EYS: variants seen among roughly 807,000 people sequenced by gnomAD.
EYS encodes the protein protein eyes shut homolog.
Under a neutral mutation model 282.1 loss-of-function variants are expected in EYS, and 250 were observed. That is an observed-to-expected ratio of 0.89 (90% CI 0.80 to 0.98). The LOEUF (loss-of-function observed/expected upper bound fraction) is 0.98, where lower values mean the gene tolerates loss of function less well. EYS is among the 50% of genes least tolerant of loss of function. The probability of loss-of-function intolerance (pLI) is 0.00; values close to 1 mark genes in which losing one functional copy is unlikely to be tolerated. For synonymous variants in EYS, 1,355 were observed against 1,282.9 expected (o/e 1.06, Z -1.20); for missense variants, 4,016 against 3,709.0 (o/e 1.08, Z -2.15).
intron 2 of EYS, among the ~76,000 whole-genome samples, chr6:65,505,081 T>C (rs922591317): frequency 6.6e-6 from 1 of 151,944 alleles, no homozygotes; most frequent in Non-Finnish European, 1.5e-5. Context: ...ATTCAATTTC[T>C]TTAATATATG....
chr6:64,592,365 G>A (rs879677167), intron 25 of EYS, among the ~76,000 whole-genome samples: 18 of 152,112 alleles, frequency 1.2e-4, no homozygotes, highest in Non-Finnish European at 4.4e-5. Context: ...TAGAAATACC[G>A]TTTTACTTCC....
intron 14 of EYS, among the ~76,000 whole-genome samples, chr6:64,979,605 T>C (rs1240632733): frequency 6.6e-6 from 1 of 151,538 alleles, no homozygotes; most frequent in South Asian, 2.1e-4. Flanking sequence ...AAAGCAAAGA[T>C]CAGTTGTTGA....
chr6:65,411,202 C>T (rs1020881352), intron 5 of EYS, among the ~76,000 whole-genome samples: 7 of 152,040 alleles, frequency 4.6e-5, no homozygotes, highest in Non-Finnish European at 7.4e-5. Flanking sequence ...TGTTGTTCAA[C>T]ATCACATGTT....
chr6:64,696,053 G>T (rs910909282), intron 22 of EYS, among the ~76,000 whole-genome samples: 9 of 151,900 alleles, frequency 5.9e-5, no homozygotes, highest in Non-Finnish European at 1.5e-5. Flanking sequence ...TCAAAATGCT[G>T]ATTTAAAAGA....
At chr6:65,685,781 G>A (rs1768993087) in intron 1 of EYS, among the ~76,000 whole-genome samples, 1 of 151,890 alleles carries the variant, frequency 6.6e-6, no homozygotes, top group African/African-American at 2.4e-5. Context: ...TATCTTTTAT[G>A]TACTGAATGA....
At chr6:65,224,810 C>A (rs1044613489) in intron 12 of EYS, among the ~76,000 whole-genome samples, 1 of 151,912 alleles carries the variant, frequency 6.6e-6, no homozygotes, top group Admixed American at 6.6e-5. Context: ...ATTTATATAA[C>A]CAAAACAAAC....
chr6:65,537,518 G>GCAAA (rs1554208224), intron 2 of EYS, among the ~76,000 whole-genome samples: 8 of 151,052 alleles, frequency 5.3e-5, no homozygotes, highest in African/African-American at 1.5e-4. Flanking sequence ...TATATAACAT[G>GCAAA]CACACACACA....
chr6:65,581,995 C>A (rs1764887996), intron 2 of EYS, among the ~76,000 whole-genome samples: 1 of 151,556 alleles, frequency 6.6e-6, no homozygotes, highest in East Asian at 1.9e-4. Flanking sequence ...TGAGACCAGC[C>A]TGGATAGCAT....
At chr6:65,253,057 G>T (rs530739445) in intron 12 of EYS, among the ~76,000 whole-genome samples, 4 of 152,058 alleles carry the variant, frequency 2.6e-5, no homozygotes, top group South Asian at 2.1e-4. Context: ...TGAAGAAATT[G>T]TGGCTGAATA....
At chr6:64,653,524 A>G (rs1369417303) in intron 22 of EYS, among the ~76,000 whole-genome samples, 1 of 152,030 alleles carries the variant, frequency 6.6e-6, no homozygotes, top group Non-Finnish European at 1.5e-5. Flanking sequence ...GTTTCAGTTC[A>G]TTAATTTCTT....
At chr6:65,148,915 C>A (rs1027738806) in intron 12 of EYS, among the ~76,000 whole-genome samples, 1 of 152,018 alleles carries the variant, frequency 6.6e-6, no homozygotes, top group Non-Finnish European at 1.5e-5. Flanking sequence ...GTACCTTGGC[C>A]CCTTTTAGCC....
chr6:64,563,971 T>C (rs1286551266), intron 26 of EYS, among the ~76,000 whole-genome samples: 1 of 151,904 alleles, frequency 6.6e-6, no homozygotes, highest in East Asian at 1.9e-4. Context: ...ACATTTATTA[T>C]CTCAATATGG....
chr6:65,317,866 CTTTCTTTCTTTCT>C (rs1416346795), intron 11 of EYS, among the ~76,000 whole-genome samples: 19 of 66,026 alleles, frequency 2.9e-4, no homozygotes, highest in Admixed American at 7.9e-4. Flanking sequence ...TTCTTTCTTT[CTTTCTTTCTTTCT>C]TTCTTTCAGA....
At position 64,274,481 on chromosome 6, in the gene EYS, G is replaced by GTTTTTTTTT. The variant is rs10640761; in HGVS notation, c.6191+32480_6191+32488dup. ...CAGGCGCGAGCCACCACGCCTGGCC[G>GTTTTTTTTT]TTTTTTTTTTTTTTTTTTTTTTACA... On this transcript the variant is annotated intron_variant, in intron 30 of 42. Coordinates refer to ENST00000503581, the MANE Select transcript of EYS (RefSeq NM_001142800.2). Among the ~76,000 whole-genome samples, 32 of 92,224 alleles carry GTTTTTTTTT rather than the reference G, an allele frequency of 3.5e-4. 4 individuals carry two copies. Among genetic ancestry groups the GTTTTTTTTT allele is most frequent in the African/African-American group, 1.4e-3 (29 of 21,202 alleles). 60.5% of individuals were successfully genotyped at this position (92,224 alleles called of 152,430 possible). A position where few individuals can be genotyped will look rare whatever the true frequency, so the allele number is the denominator to read the frequency against.
At chr6:63,867,415 T>C (rs904730157) in intron 35 of EYS, among the ~76,000 whole-genome samples, 1 of 152,156 alleles carries the variant, frequency 6.6e-6, no homozygotes, top group Non-Finnish European at 1.5e-5. Context: ...CAGGAGATTT[T>C]TCTGAATTAA....
chr6:65,630,238 G>A (rs1451132203), intron 2 of EYS, among the ~76,000 whole-genome samples: 1 of 152,152 alleles, frequency 6.6e-6, no homozygotes, highest in East Asian at 1.9e-4. Flanking sequence ...GGGGAAAGGG[G>A]ATCATTGACA....
chr6:64,496,085 G>A (rs1776880671), intron 26 of EYS, among the ~76,000 whole-genome samples: 2 of 151,640 alleles, frequency 1.3e-5, no homozygotes, highest in African/African-American at 4.8e-5. Context: ...GATATGCAAA[G>A]GTGAGTAAAA....
At chr6:64,618,299 T>A (rs1205622975) in intron 23 of EYS, among the ~76,000 whole-genome samples, 4 of 152,188 alleles carry the variant, frequency 2.6e-5, no homozygotes, top group African/African-American at 9.6e-5. Context: ...CCATTGATTC[T>A]TTCCCATCAG....
intron 5 of EYS, among the ~76,000 whole-genome samples, chr6:65,438,492 A>G (rs553141183): frequency 1.2e-4 from 19 of 152,108 alleles, no homozygotes; most frequent in African/African-American, 4.3e-4. Context: ...AAGTGTTCCT[A>G]TTTCTCCACA....
Sources: allele counts gnomAD v4.1 joint callset (sites outside exome capture counted in the v4.1 genomes callset), GRCh38; gene constraint gnomAD v4.1.1; transcripts MANE v1.5; gene names NCBI Gene and HGNC (gene_info 2026-07-23, HGNC 2026-07-21).